The following SYMPK variants were observed in gnomAD, a reference collection of about 807,000 sequenced individuals.
The protein encoded by SYMPK is symplekin scaffold protein.
A neutral mutation model predicts 136.4 loss-of-function variants in SYMPK; 49 were observed. The observed-to-expected ratio is 0.36, with a 90% confidence interval of 0.29 to 0.46. The LOEUF is 0.46. Among genes scored for constraint, SYMPK ranks in the 20% least tolerant of loss-of-function variants. SYMPK has a pLI of 1.00. For synonymous variants in SYMPK, 766 were observed against 713.0 expected (o/e 1.07, Z -1.19); for missense variants, 1,365 against 1,690.0 (o/e 0.81, Z 3.37).
In SYMPK at chr19:45,816,596, G is replaced by T; in HGVS notation, c.3259-19C>A. The T allele has an allele frequency of 6.2e-7, 1 of 1,612,950 alleles. No homozygotes were observed. Among genetic ancestry groups the T allele is most frequent in the South Asian group, 1.1e-5 (1 of 91,058 alleles). On this transcript the variant is annotated intron_variant, in intron 24 of 26. Transcript: ENST00000245934. The stretch of plus-strand genomic sequence containing the variant: ...GAGCTTGCTGGGTGGAGAGCAGGAA[G>T]GGGGCGCTGGGGGCAGCTCTGGCAC...
chr19:45,825,134 G>A (rs199953218), intron 18 of SYMPK, 37 bp downstream of exon 18: 117 of 1,597,056 alleles, frequency 7.3e-5, no homozygotes, highest in Middle Eastern at 1.7e-4. Flanking sequence ...AGCCTTGCCC[G>A]TGGGTGGGCA....
At chr19:45,831,203 G>A in intron 12 of SYMPK, 181 bp downstream of exon 12, 1 of 386,600 alleles carries the variant, frequency 2.6e-6, no homozygotes, top group Non-Finnish European at 4.5e-6. Context: ...AAAGAGAACA[G>A]CAAAGGCTTA....
At position 45,827,845 on chromosome 19, in the gene SYMPK, C is replaced by G. The variant is rs915463666; in HGVS notation, c.2059G>C (p.Glu687Gln). Reference sequence around the variant, plus strand: ...CCAGGGCCTGTCCTCACCTCATCCTCGCAGTACTTGCGGACCACCTCCAGG... The same window carrying G: ...CCAGGGCCTGTCCTCACCTCATCCTGGCAGTACTTGCGGACCACCTCCAGG... ...SALEVVRKYC[E>Q]DESRTYLGMS... is the part of the protein sequence containing the mutation. The change falls in exon 15 of 27, where the codon GAG (glutamate) becomes CAG (glutamine). Residue 687 changes from glutamate (E) to glutamine (Q), a missense_variant. Physicochemically the swap from Glu to Gln is conservative, Grantham distance 29. Around this residue, in one of 11 missense-constraint regions of SYMPK, gnomAD observed 303 missense variants for 326.6 expected, o/e 0.93. Transcript: ENST00000245934. The G allele has an allele frequency of 6.8e-6, 11 of 1,613,916 alleles. No individual in the cohort carries two copies. In the Admixed American group the frequency reaches 1.5e-4, roughly 22 times the overall value.
At chr19:45,857,672 T>C (rs1211258833) in intron 1 of SYMPK, among the ~76,000 whole-genome samples, 4 of 151,604 alleles carry the variant, frequency 2.6e-5, no homozygotes, top group Non-Finnish European at 5.9e-5. Context: ...TTTGTATTTT[T>C]AGTAGAGACG....
intron 23 of SYMPK, 29 bp from the exon 24 acceptor site, chr19:45,817,003 G>A (rs756738310): frequency 1.3e-6 from 2 of 1,549,446 alleles, no homozygotes; most frequent in South Asian, 1.2e-5. Context: ...GAGCCGTCGG[G>A]AGAGGCACAC....
chr19:45,853,674 C>A (rs766630019), intron 3 of SYMPK, among the ~76,000 whole-genome samples: 2 of 152,028 alleles, frequency 1.3e-5, no homozygotes, highest in Non-Finnish European at 2.9e-5. Flanking sequence ...CTCCTTTTAT[C>A]CTCCATGGCT....
intron 1 of SYMPK, among the ~76,000 whole-genome samples, chr19:45,856,080 G>T (rs553683451): frequency 6.6e-6 from 1 of 152,158 alleles, no homozygotes; most frequent in Non-Finnish European, 1.5e-5. Flanking sequence ...GAAGCCGGGC[G>T]CGGTGGCTCA....
chr19:45,838,784 G>C (rs961523476), intron 9 of SYMPK, among the ~76,000 whole-genome samples, 169 bp from the exon 10 acceptor site: 3 of 152,164 alleles, frequency 2.0e-5, no homozygotes, highest in African/African-American at 4.8e-5. Context: ...ACCACTTTAT[G>C]ACCCTGGGCA....
chr19:45,821,543 T>G lies in SYMPK; in HGVS notation c.2792-58A>C. 1 of 1,184,754 alleles carries G rather than the reference T, an allele frequency of 8.4e-7. No homozygotes were observed. The highest frequency in any genetic ancestry group is 1.2e-6 in the Non-Finnish European group (1 of 805,024). 73.4% of individuals were successfully genotyped at this position (1,184,754 alleles called of 1,614,324 possible). A position where few individuals can be genotyped will look rare whatever the true frequency, so the allele number is the denominator to read the frequency against. ...CAGTGCGGACGCATAAGTGAAGAGA[T>G]GGGTCTGAGTTCCCCAGATCGGGGG... On this transcript the variant is annotated intron_variant, in intron 21 of 26. Transcript: ENST00000245934. This position sits in a 1 kb window ranked among gnomAD's most constrained non-coding sequence, Gnocchi z 4.4.
intron 1 of SYMPK, chr19:45,854,790 A>G (rs1043178133): frequency 2.1e-5 from 9 of 438,202 alleles, no homozygotes; most frequent in Middle Eastern, 6.3e-4. Context: ...GATGGGCCAC[A>G]TGAACGTGCA....
chr19:45,820,851 C>G (rs1159226009), intron 22 of SYMPK: 5 of 456,134 alleles, frequency 1.1e-5, no homozygotes, highest in Middle Eastern at 5.5e-4. Flanking sequence ...AAGTGGCGGA[C>G]CAGCAGGCTC....
In SYMPK at chr19:45,847,888, G is replaced by C; in HGVS notation, c.540C>G (p.Arg180=). 1.2e-6 allele frequency: 2 copies of C among 1,614,044 alleles called. No homozygotes were observed. Among genetic ancestry groups the C allele is most frequent in the Non-Finnish European group, 1.7e-6 (2 of 1,179,988 alleles). Residue 180 remains arginine (R), a synonymous_variant, in exon 7 of 27, where the codon CGC becomes CGG. Coordinates refer to ENST00000245934, the MANE Select transcript of SYMPK (RefSeq NM_004819.3). ...CCTCCACAAACTTGATGGCGTGGGT[G>C]CGGATGCCGTCATTGTCAGAGTCCA... ...LLLDSDNDGI[R]THAIKFVEGL...
At chr19:45,835,307 G>C (rs1393396113) in intron 10 of SYMPK, 79 bp from the exon 11 acceptor site, 2 of 1,425,918 alleles carry the variant, frequency 1.4e-6, no homozygotes, top group Non-Finnish European at 1.9e-6. Flanking sequence ...GCCAATACTG[G>C]GGAAATGGCA....
At chr19:45,817,166 G>C in intron 23 of SYMPK, 192 bp from the exon 24 acceptor site, 1 of 564,266 alleles carries the variant, frequency 1.8e-6, no homozygotes, top group Non-Finnish European at 3.0e-6. Context: ...GGACCACGAG[G>C]GCAACTTGGG....
intron 16 of SYMPK, among the ~76,000 whole-genome samples, chr19:45,827,306 C>T (rs913593381): frequency 3.9e-5 from 6 of 152,116 alleles, no homozygotes; most frequent in East Asian, 1.9e-4. Flanking sequence ...GACTCAGGCA[C>T]GGTAACCCTG....
At chr19:45,846,096 C>T (rs1027342366) in intron 7 of SYMPK, among the ~76,000 whole-genome samples, 10 of 152,120 alleles carry the variant, frequency 6.6e-5, no homozygotes, top group East Asian at 1.9e-4. Context: ...ATTAGCCGGG[C>T]GTGGTGGCGG....
intron 11 of SYMPK, among the ~76,000 whole-genome samples, chr19:45,832,480 C>T (rs1020721183): frequency 3.9e-5 from 6 of 152,030 alleles, no homozygotes; most frequent in African/African-American, 1.4e-4. Context: ...ACCCTATGAC[C>T]CAACGGTTCC....
intron 18 of SYMPK, among the ~76,000 whole-genome samples, chr19:45,824,466 G>A (rs1337300831): frequency 6.6e-6 from 1 of 152,116 alleles, no homozygotes; most frequent in Non-Finnish European, 1.5e-5. Flanking sequence ...TTGAGAATGG[G>A]GCTAAAAATC....
intron 18 of SYMPK, chr19:45,824,238 G>C (rs112576384): frequency 4.4e-6 from 1 of 227,916 alleles, no homozygotes; most frequent in African/African-American, 2.3e-5. Context: ...CTCAGGCGCA[G>C]CTGGCTTGGC....
Sources: gnomAD v4.1 joint callset for allele counts (sites outside exome capture counted in the v4.1 genomes callset) on GRCh38, gnomAD v4.1.1 for gene constraint, gnomAD v4.1.1 regional missense constraint, Gnocchi (gnomAD v3.1) non-coding constraint, MANE v1.5 for transcripts, NCBI Gene and HGNC (gene_info 2026-07-23, HGNC 2026-07-21) for gene names.